The following SMG6 variants were observed in gnomAD, a reference collection of about 807,000 sequenced individuals.
The protein encoded by SMG6 is telomerase-binding protein EST1A.
A neutral mutation model predicts 142.2 loss-of-function variants in SMG6; 66 were observed. The ratio of observed to expected loss-of-function variants is 0.46; its 90% CI spans 0.38 to 0.57. The LOEUF (loss-of-function observed/expected upper bound fraction) is 0.57, where lower values mean the gene tolerates loss of function less well. Ranked by LOEUF, SMG6 falls within the 20% of genes least tolerant of loss-of-function variation. SMG6 has a pLI of 0.00. For missense variants in SMG6, 1,793 were observed against 1,832.0 expected (o/e 0.98, Z 0.39); for synonymous variants, 779 against 702.4 (o/e 1.11, Z -1.72).
At chr17:2,174,701 A>G (rs1335634804) in intron 12 of SMG6, among the ~76,000 whole-genome samples, 1 of 152,196 alleles carries the variant, frequency 6.6e-6, no homozygotes, top group African/African-American at 2.4e-5. Flanking sequence ...CTCTCAGCGC[A>G]GACACCGACA....
chr17:2,129,785 C>A (rs1245550851), intron 13 of SMG6, among the ~76,000 whole-genome samples: 3 of 89,594 alleles, frequency 3.3e-5, no homozygotes, highest in African/African-American at 4.7e-5. Flanking sequence ...CAGAGCAAGG[C>A]TCTGTCTCAA....
chr17:2,063,442 T>C (rs1161168917), intron 18 of SMG6, among the ~76,000 whole-genome samples: 1 of 152,264 alleles, frequency 6.6e-6, no homozygotes, highest in African/African-American at 2.4e-5. Context: ...GCTGATGTCA[T>C]TCTGATAGGG....
intron 10 of SMG6, among the ~76,000 whole-genome samples, chr17:2,191,031 A>C (rs2072144794): frequency 6.6e-6 from 1 of 152,214 alleles, no homozygotes; most frequent in Non-Finnish European, 1.5e-5. Context: ...TACCTCAAGC[A>C]CATACTGAGC....
rs7217759 is a variant in SMG6, at chr17:2,186,583, G to A, written c.3155+80C>T. ...GGCAGGCTGTGGGCAGAAAGAAACA[G>A]AGCAGGATGAAGAGGGGAGCTGTAG... On this transcript the variant is annotated intron_variant, in intron 12 of 18. Coordinates refer to ENST00000263073, the MANE Select transcript of SMG6 (RefSeq NM_017575.5). 634 of 1,519,126 alleles carry A rather than the reference G, an allele frequency of 4.2e-4. No homozygotes were observed. The African/African-American group carries it at 7.0e-3, about 17-fold the overall frequency. The allele number at this position is 1,519,126 out of a possible 1,614,324, so 94.1% of individuals were successfully genotyped here. A position where few individuals can be genotyped will look rare whatever the true frequency, so the allele number is the denominator to read the frequency against.
intron 10 of SMG6, among the ~76,000 whole-genome samples, chr17:2,205,883 A>C (rs2072663395): frequency 6.6e-6 from 1 of 152,258 alleles, no homozygotes; most frequent in Non-Finnish European, 1.5e-5. Flanking sequence ...ATCTCAGCTC[A>C]CTGCAACCTC....
At chr17:2,093,301 T>C (rs1011371526) in intron 13 of SMG6, among the ~76,000 whole-genome samples, 2 of 151,944 alleles carry the variant, frequency 1.3e-5, no homozygotes, top group African/African-American at 4.8e-5. Flanking sequence ...AACACACCTA[T>C]GGTCCGAGCT....
intron 15 of SMG6, among the ~76,000 whole-genome samples, chr17:2,078,036 T>A (rs1009489720): frequency 6.6e-6 from 1 of 152,114 alleles, no homozygotes; most frequent in Non-Finnish European, 1.5e-5. Context: ...GCCTGATGAT[T>A]TCTGAGCAGG....
At chr17:2,159,294 G>A (rs1452845019) in intron 13 of SMG6, among the ~76,000 whole-genome samples, 2 of 152,044 alleles carry the variant, frequency 1.3e-5, no homozygotes, top group Non-Finnish European at 2.9e-5. Flanking sequence ...GTGTGTGGTG[G>A]CATGCTACAG....
At chr17:2,089,555 G>A (rs2068656283) in intron 13 of SMG6, 1 of 152,490 alleles carries the variant, frequency 6.6e-6, no homozygotes, top group Non-Finnish European at 1.5e-5. Context: ...CTGAAAGAAA[G>A]CCCCTTTCCC....
At chr17:2,188,580 T>C in intron 10 of SMG6, 65 bp from the exon 11 acceptor site, 2 of 1,409,708 alleles carry the variant, frequency 1.4e-6, no homozygotes, top group Non-Finnish European at 2.0e-6. Context: ...CTGGCCACGT[T>C]ACCGAGCTTC....
chr17:2,155,528 C>T (rs2070974851), intron 13 of SMG6, among the ~76,000 whole-genome samples: 1 of 152,152 alleles, frequency 6.6e-6, no homozygotes, highest in South Asian at 2.1e-4. Flanking sequence ...GGTTACATGA[C>T]CATAAGGAGC....
At chr17:2,144,049 C>CGT (rs2070578482) in intron 13 of SMG6, among the ~76,000 whole-genome samples, 1 of 65,102 alleles carries the variant, frequency 1.5e-5, no homozygotes, top group Non-Finnish European at 2.8e-5. Context: ...ACCACGGCCG[C>CGT]TTTTTTTTTT....
intron 12 of SMG6, among the ~76,000 whole-genome samples, chr17:2,183,588 A>G (rs924256453): frequency 6.6e-6 from 1 of 152,236 alleles, no homozygotes; most frequent in Non-Finnish European, 1.5e-5. Context: ...GCATGGTTAT[A>G]TTCCAATCAA....
intron 5 of SMG6, 55 bp downstream of exon 5, chr17:2,292,816 G>T (rs775088231): frequency 1.3e-5 from 20 of 1,529,438 alleles, no homozygotes; most frequent in Non-Finnish European, 1.8e-5. Flanking sequence ...CTCTTAGTAA[G>T]GCTTAGCTTA....
At chr17:2,285,593 C>CT (rs1290904556) in intron 6 of SMG6, among the ~76,000 whole-genome samples, 1 of 152,082 alleles carries the variant, frequency 6.6e-6, no homozygotes, top group African/African-American at 2.4e-5. Context: ...AATCCCAGCA[C>CT]TTTAGGAGGC....
rs551482092 is a variant in SMG6, at chr17:2,059,963, C to G, written c.*1529G>C. 1 of 152,614 alleles carries G rather than the reference C, an allele frequency of 6.6e-6. No homozygotes were observed. Among genetic ancestry groups the G allele is most frequent in the Admixed American group, 6.5e-5 (1 of 15,312 alleles). The allele number at this position is 152,614 out of a possible 1,614,324, so 9.5% of individuals were successfully genotyped here. On this transcript the variant is annotated 3_prime_UTR_variant, in exon 19 of 19. Transcript: ENST00000263073. ...TCGGCCTTCCAGCTGGGGAGAGAAT[C>G]TTAAAGGAGAGGCCGGGGACCCTGT...
chr17:2,173,084 T>G (rs1279814421), intron 12 of SMG6: 1 of 554,668 alleles, frequency 1.8e-6, no homozygotes, highest in African/African-American at 1.9e-5. Flanking sequence ...TTAGGGGGAG[T>G]TTTTAATCCT....
rs749434143 is a variant in SMG6, at chr17:2,086,932, G to A, written c.3358-1031C>T. On this transcript the variant is annotated intron_variant, in intron 13 of 18. Coordinates refer to ENST00000263073, the MANE Select transcript of SMG6 (RefSeq NM_017575.5). The stretch of plus-strand genomic sequence containing the variant: ...CATTCCACATGGGAAACACACGTCC[G>A]TGGCCAGACGTGCCACAGGGGACGG... 1.4e-4 allele frequency: 164 copies of A among 1,146,682 alleles called. 1 individual carries two copies. The highest frequency in any genetic ancestry group is 1.6e-4 in the Non-Finnish European group (142 of 878,616). The allele number at this position is 1,146,682 out of a possible 1,614,324, so 71.0% of individuals were successfully genotyped here.
intron 10 of SMG6, among the ~76,000 whole-genome samples, chr17:2,190,660 C>G (rs1946825643): frequency 6.6e-6 from 1 of 152,134 alleles, no homozygotes; most frequent in African/African-American, 2.4e-5. Flanking sequence ...GTCTGGAGAC[C>G]AGGCAAGGTA....
Sources: gnomAD v4.1 joint callset for allele counts (sites outside exome capture counted in the v4.1 genomes callset) on GRCh38, gnomAD v4.1.1 for gene constraint, MANE v1.5 for transcripts, NCBI Gene and HGNC (gene_info 2026-07-23, HGNC 2026-07-21) for gene names.